PDCL3: variants seen among roughly 807,000 people sequenced by gnomAD.
PDCL3 encodes phosducin like 3, also known as phosducin-like protein 3.
In PDCL3, 22 loss-of-function variants were observed where a neutral mutation model predicts 26.5. The ratio of observed to expected loss-of-function variants is 0.83; its 90% confidence interval spans 0.59 to 1.19. PDCL3 has a LOEUF of 1.19. Ranked by LOEUF, PDCL3 falls within the 50% of genes most tolerant of loss-of-function variation. The pLI is 0.00. For missense variants in PDCL3, 246 were observed against 294.1 expected, an observed-to-expected ratio of 0.84 and a Z score of 1.20; for synonymous variants, 81 against 104.9, an observed-to-expected ratio of 0.77 and a Z score of 1.39.
At chr2:100,576,051 C>T (rs1263266136) in intron 5 of PDCL3, among the ~76,000 whole-genome samples, 1 of 152,072 alleles carries the variant, frequency 6.6e-6, no homozygotes, top group Admixed American at 6.6e-5. Flanking sequence ...CACACCACCA[C>T]TGTACCCAGT....
intron 1 of PDCL3, among the ~76,000 whole-genome samples, chr2:100,565,097 A>G (rs541528298): frequency 6.6e-6 from 1 of 152,180 alleles, no homozygotes; most frequent in Admixed American, 6.5e-5. Context: ...CTCTGCCTGG[A>G]AGATTATTTT....
rs762627774 is a variant in PDCL3 at position 100,566,637 on chromosome 2, C to T, written c.133+8C>T. 1.2e-6 allele frequency: 2 copies of T among 1,613,628 alleles called. No individual in the cohort carries two copies. Among genetic ancestry groups the T allele is most frequent in the Middle Eastern group, 1.6e-4 (1 of 6,062 alleles). ...TCCTCCAGCAGTCAGTGGGTGAGTT[C>T]ACTCGCTTTCCTCTGCACCTGTCTG... On this transcript the variant is annotated splice_region_variant and intron_variant, in intron 2 of 5. Transcript: ENST00000264254.
At chr2:100,574,299 A>G (rs1356523332) in intron 5 of PDCL3, among the ~76,000 whole-genome samples, 2 of 151,000 alleles carry the variant, frequency 1.3e-5, no homozygotes, top group African/African-American at 4.9e-5. Context: ...CTGAGCCACC[A>G]CATCTGGCTG....
Position 100,566,597 on chromosome 2 carries a change from A to G in PDCL3, c.101A>G (p.Glu34Gly), listed in dbSNP as rs772013497. 6 of 1,614,046 alleles carry G rather than the reference A, an allele frequency of 3.7e-6. No individual in the cohort carries two copies. Among genetic ancestry groups the G allele is most frequent in the Non-Finnish European group, 4.2e-6 (5 of 1,179,918 alleles). The change falls in exon 2 of 6, where the codon GAA becomes GGA. Residue 34 changes from glutamate (E) to glycine (G), a missense_variant. Glu to Gly is a moderately conservative substitution (Grantham distance 98, BLOSUM62 -2). Coordinates refer to ENST00000264254, the MANE Select transcript of PDCL3 (RefSeq NM_024065.5). The part of the protein sequence containing the change: ...ESLKELEEEA[E>G]EEQRILQQSV... The stretch of plus-strand genomic sequence containing the variant: ...CTGAAAGAATTGGAAGAGGAGGCAG[A>G]AGAGGAGCAGCGCATCCTCCAGCAG...
chr2:100,574,947 AAGT>A (rs1675250455), intron 5 of PDCL3, among the ~76,000 whole-genome samples: 2 of 152,100 alleles, frequency 1.3e-5, no homozygotes, highest in Admixed American at 6.6e-5. Flanking sequence ...ACAAAAAAGA[AAGT>A]AGCCAGGTGT....
At chr2:100,563,788 A>G (rs1164851256) in intron 1 of PDCL3, among the ~76,000 whole-genome samples, 2 of 151,976 alleles carry the variant, frequency 1.3e-5, no homozygotes, top group Non-Finnish European at 2.9e-5. Context: ...CTGTCCAAAG[A>G]TCCCGCAGTG....
intron 5 of PDCL3, among the ~76,000 whole-genome samples, chr2:100,573,837 T>C (rs1186176605): frequency 1.3e-5 from 2 of 152,132 alleles, no homozygotes; most frequent in Admixed American, 1.3e-4. Context: ...TTTTTGAATG[T>C]ACCATGAGGG....
chr2:100,575,228 C>T (rs1441817406), intron 5 of PDCL3, among the ~76,000 whole-genome samples: 1 of 152,196 alleles, frequency 6.6e-6, no homozygotes, highest in Non-Finnish European at 1.5e-5. Flanking sequence ...CTCCGCCTCC[C>T]ACGTTCACAC....
At chr2:100,571,225 T>C (rs866850246) in intron 4 of PDCL3, among the ~76,000 whole-genome samples, 47 of 152,004 alleles carry the variant, frequency 3.1e-4, no homozygotes, top group African/African-American at 9.4e-4. Flanking sequence ...ATTTTTGTAT[T>C]TTTAGTAGAG....
chr2:100,571,114 C>CGA (rs1553417816), intron 4 of PDCL3, among the ~76,000 whole-genome samples: 14 of 109,078 alleles, frequency 1.3e-4, no homozygotes, highest in African/African-American at 1.7e-4. Flanking sequence ...CCTGTCTTTA[C>CGA]AAAAAAAAAA....
chr2:100,570,474 CTTTTT>C (rs762190373), intron 4 of PDCL3, among the ~76,000 whole-genome samples: 240 of 125,302 alleles, frequency 1.9e-3, no homozygotes, highest in African/African-American at 7.3e-3. Context: ...TTAGGAATTT[CTTTTT>C]TTTTTTTTTT....
chr2:100,563,240 GGTCCCACCA>G, intron 1 of PDCL3, 167 bp downstream of exon 1: 1 of 792,142 alleles, frequency 1.3e-6, no homozygotes, highest in Non-Finnish European at 1.9e-6. Context: ...AGGCGGGCGT[GGTCCCACCA>G]GGACCCACGG....
intron 4 of PDCL3, among the ~76,000 whole-genome samples, chr2:100,571,037 T>C (rs904630839): frequency 1.4e-5 from 2 of 143,712 alleles, no homozygotes; most frequent in Non-Finnish European, 3.0e-5. Context: ...CCCAGCACTT[T>C]GGGAAGCCAT....
At chr2:100,571,483 C>T in intron 4 of PDCL3, 107 bp from the exon 5 acceptor site, 1 of 988,096 alleles carries the variant, frequency 1.0e-6, no homozygotes, top group South Asian at 1.6e-5. Flanking sequence ...AGCAGAATTA[C>T]TTGTGAAACT....
At chr2:100,566,688 C>G in intron 2 of PDCL3, 59 bp downstream of exon 2, 2 of 1,594,984 alleles carry the variant, frequency 1.3e-6, no homozygotes, top group South Asian at 1.1e-5. Flanking sequence ...CCCTAAGCCT[C>G]TGACTGCCCT....
At chr2:100,563,619 G>C in intron 1 of PDCL3, 1 of 98,078 alleles carries the variant, frequency 1.0e-5, no homozygotes, top group East Asian at 7.7e-4. Flanking sequence ...CCTCTGTTTC[G>C]TCCTTTTTTT....
chr2:100,573,998 GAT>G (rs199877152), intron 5 of PDCL3, among the ~76,000 whole-genome samples: 128 of 148,136 alleles, frequency 8.6e-4, no homozygotes, highest in African/African-American at 3.0e-3. Flanking sequence ...TATAGAGAGA[GAT>G]ATATATATTT....
intron 1 of PDCL3, chr2:100,563,427 TTAGGA>T: frequency 4.4e-6 from 1 of 227,312 alleles, no homozygotes; most frequent in South Asian, 1.4e-4. Flanking sequence ...GGCAGAGGTG[TTAGGA>T]AGCGGAGGGT....
intron 4 of PDCL3, 94 bp from the exon 5 acceptor site, chr2:100,571,496 T>TA: frequency 9.0e-7 from 1 of 1,115,986 alleles, no homozygotes; most frequent in Non-Finnish European, 1.3e-6. Flanking sequence ...GTGAAACTGT[T>TA]ACAAGGTTTT....
Sources: gnomAD v4.1 joint callset for allele counts (sites outside exome capture counted in the v4.1 genomes callset) on GRCh38, gnomAD v4.1.1 for gene constraint, MANE v1.5 for transcripts, NCBI Gene and HGNC (gene_info 2026-07-23, HGNC 2026-07-21) for gene names.